The following DLG2 variants were observed in gnomAD, a reference collection of about 807,000 sequenced individuals.
DLG2 encodes discs large MAGUK scaffold protein 2.
Under a neutral mutation model 132.5 loss-of-function variants are expected in DLG2, and 45 were observed. The ratio of observed to expected loss-of-function variants is 0.34; its 90% CI spans 0.27 to 0.44. The LOEUF (loss-of-function observed/expected upper bound fraction) is 0.44, where lower values mean the gene tolerates loss of function less well. DLG2 is among the 20% of genes least tolerant of loss of function. The pLI, the probability that DLG2 is intolerant of heterozygous loss-of-function variation, is 1.00. For missense variants in DLG2, 1,045 were observed against 1,196.9 expected, an observed-to-expected ratio of 0.87 and a Z score of 1.87; for synonymous variants, 424 against 419.6, an observed-to-expected ratio of 1.01 and a Z score of -0.13.
At chr11:84,840,367 T>C (rs976398997) in intron 6 of DLG2, among the ~76,000 whole-genome samples, 4 of 152,162 alleles carry the variant, frequency 2.6e-5, no homozygotes, top group Non-Finnish European at 4.4e-5. Context: ...TGTGGAGATA[T>C]AGGAATGCTT....
chr11:84,037,454 A>T (rs2095898827), intron 11 of DLG2, among the ~76,000 whole-genome samples: 1 of 152,118 alleles, frequency 6.6e-6, no homozygotes, highest in African/African-American at 2.4e-5. Flanking sequence ...CAGGAAAAAC[A>T]ATAGCTTTGA....
At chr11:85,039,824 AGCACAG>A in intron 6 of DLG2, among the ~76,000 whole-genome samples, 3 of 151,996 alleles carry the variant, frequency 2.0e-5, no homozygotes, top group Non-Finnish European at 4.4e-5. Context: ...TTTAATATCT[AGCACAG>A]TGTCTGCAAC....
intron 18 of DLG2, chr11:83,692,895 C>T (rs1478059618): frequency 6.6e-6 from 1 of 152,122 alleles, no homozygotes; most frequent in African/African-American, 2.4e-5. Context: ...AAATAATCCC[C>T]TCACAAGCCT....
At chr11:83,539,382 A>T (rs185218301) in intron 20 of DLG2, among the ~76,000 whole-genome samples, 1 of 152,256 alleles carries the variant, frequency 6.6e-6, no homozygotes, top group East Asian at 1.9e-4. Flanking sequence ...ATACTCAAGA[A>T]ACAGGCTAGA....
At chr11:83,630,837 T>C (rs2063425767) in intron 19 of DLG2, among the ~76,000 whole-genome samples, 1 of 152,124 alleles carries the variant, frequency 6.6e-6, no homozygotes, top group Non-Finnish European at 1.5e-5. Flanking sequence ...GGCCCAATGA[T>C]AGCTAAGGTT....
intron 18 of DLG2, among the ~76,000 whole-genome samples, chr11:83,733,192 G>A (rs2091316805): frequency 8.1e-6 from 1 of 123,244 alleles, no homozygotes; most frequent in South Asian, 2.8e-4. Flanking sequence ...AGGGAGCTGA[G>A]ATCATGCCAC....
chr11:84,701,757 C>A (rs1197204269), intron 6 of DLG2, among the ~76,000 whole-genome samples: 1 of 151,682 alleles, frequency 6.6e-6, no homozygotes, highest in Non-Finnish European at 1.5e-5. Context: ...TCATGCCCAA[C>A]TTGCAGTGTC....
rs1236856739 is a variant in DLG2, at chr11:85,457,842, C to T, written c.40+140815G>A. 2.0e-5 allele frequency among the ~76,000 whole-genome samples: 3 copies of T among 151,986 alleles called. No individual in the cohort carries two copies. The East Asian group carries it at 5.8e-4, about 29-fold the overall frequency. On this transcript the variant is annotated intron_variant, in intron 3 of 27. Transcript: ENST00000376104. The stretch of plus-strand genomic sequence containing the variant: ...GGGATTTCCTTTCTAGATGAACGTC[C>T]CTTCTCTCTAGCTGCCTTTAACATT...
intron 15 of DLG2, among the ~76,000 whole-genome samples, chr11:83,918,860 A>G (rs571022246): frequency 1.3e-5 from 2 of 152,224 alleles, no homozygotes; most frequent in Admixed American, 6.5e-5. Context: ...AAGTCTTTGT[A>G]AAATAAATTG....
intron 7 of DLG2, among the ~76,000 whole-genome samples, chr11:84,295,156 T>G (rs2098072547): frequency 6.6e-6 from 1 of 152,222 alleles, no homozygotes; most frequent in Non-Finnish European, 1.5e-5. Context: ...ACCTGAGCTC[T>G]GATTACAAAT....
chr11:84,349,837 A>AATATATATAT (rs10694163), intron 7 of DLG2, among the ~76,000 whole-genome samples: 61 of 150,600 alleles, frequency 4.1e-4, no homozygotes, highest in African/African-American at 1.4e-3. Context: ...CTGCCTCTAA[A>AATATATATAT]ATATATATAT....
At chr11:83,562,416 G>T (rs890304974) in intron 19 of DLG2, among the ~76,000 whole-genome samples, 8 of 151,992 alleles carry the variant, frequency 5.3e-5, no homozygotes, top group Non-Finnish European at 1.0e-4. Context: ...CCTGGGTGGG[G>T]GGGTACCATT....
chr11:83,648,177 A>G (rs1027412993), intron 18 of DLG2: 7 of 152,170 alleles, frequency 4.6e-5, no homozygotes, highest in Admixed American at 3.3e-4. Context: ...ACAGGCAAGA[A>G]AATAGACAGT....
intron 7 of DLG2, among the ~76,000 whole-genome samples, chr11:84,264,506 G>T (rs2154359595): frequency 6.6e-6 from 1 of 152,226 alleles, no homozygotes; most frequent in African/African-American, 2.4e-5. Flanking sequence ...GGAGAGATGG[G>T]GAAATAACAA....
At position 84,365,761 on chromosome 11, in the gene DLG2, C is replaced by T. The variant is rs1034742400; in HGVS notation, c.520-114470G>A. Among the ~76,000 whole-genome samples, 8 of 151,978 alleles carry T rather than the reference C, an allele frequency of 5.3e-5. No homozygotes were observed. In the South Asian group the frequency reaches 1.7e-3, roughly 32 times the overall value. ...AACATCTTTATTTCTGCCTTCCTTT[C>T]GTTATGTACCCAGTAGTCATTCAGG... On this transcript the variant is annotated intron_variant, in intron 7 of 27. Transcript: ENST00000376104.
intron 11 of DLG2, among the ~76,000 whole-genome samples, chr11:84,034,334 A>G (rs2095801952): frequency 6.6e-6 from 1 of 152,180 alleles, no homozygotes; most frequent in Non-Finnish European, 1.5e-5. Context: ...TGCATACTCA[A>G]TAGACTACAG....
chr11:85,467,480 T>C (rs561769322), intron 3 of DLG2, among the ~76,000 whole-genome samples: 1 of 152,342 alleles, frequency 6.6e-6, no homozygotes, highest in Non-Finnish European at 1.5e-5. Context: ...TTGAGATATG[T>C]CCCATCAATA....
At chr11:84,963,828 T>C (rs780490322) in intron 6 of DLG2, among the ~76,000 whole-genome samples, 14 of 152,108 alleles carry the variant, frequency 9.2e-5, no homozygotes, top group African/African-American at 2.2e-4. Context: ...AGAGAATATC[T>C]GAACTGAAAG....
At chr11:84,313,689 A>AAAGAAAG (rs1567261581) in intron 7 of DLG2, among the ~76,000 whole-genome samples, 2 of 93,282 alleles carry the variant, frequency 2.1e-5, no homozygotes, top group Admixed American at 2.0e-4. Flanking sequence ...AAGAAAGAAA[A>AAAGAAAG]AGAAAGAGGA....
Sources: gnomAD v4.1 joint callset for allele counts (sites outside exome capture counted in the v4.1 genomes callset) on GRCh38, gnomAD v4.1.1 for gene constraint, MANE v1.5 for transcripts, NCBI Gene and HGNC (gene_info 2026-07-23, HGNC 2026-07-21) for gene names.